The following USP10 variants were observed in gnomAD, a reference collection of about 807,000 sequenced individuals.
USP10 encodes the protein ubiquitin carboxyl-terminal hydrolase 10.
Under a neutral mutation model 84.5 loss-of-function variants are expected in USP10, and 22 were observed. The observed-to-expected ratio is 0.26, with a 90% CI of 0.19 to 0.37. The LOEUF is 0.37. Among genes scored for constraint, USP10 ranks in the 10% least tolerant of loss-of-function variants. The pLI, the probability that USP10 is intolerant of heterozygous loss-of-function variation, is 1.00. For synonymous variants in USP10, 454 were observed against 387.6 expected (o/e 1.17, Z -2.01); for missense variants, 1,019 against 998.9 (o/e 1.02, Z -0.27).
chr16:84,775,325 C>G (rs1359628756), intron 13 of USP10, 100 bp downstream of exon 13: 2 of 1,194,882 alleles, frequency 1.7e-6, no homozygotes, highest in Non-Finnish European at 2.5e-6. Flanking sequence ...CGACCAGATG[C>G]TGTACTCAGG....
rs550733779 is a variant in USP10 at position 84,751,494 on chromosome 16, G to A, written c.1192+5821G>A. 3.9e-5 allele frequency among the ~76,000 whole-genome samples: 6 copies of A among 152,292 alleles called. No individual in the cohort carries two copies. In the East Asian group the frequency reaches 9.6e-4, roughly 24 times the overall value. On this transcript the variant is annotated intron_variant, in intron 4 of 13. Coordinates refer to ENST00000219473, the MANE Select transcript of USP10 (RefSeq NM_005153.3). ...TAAAAAGGCGTGGCACCTGTTTACC[G>A]GGATCCACCCTTGTGGACTGAGAGT...
chr16:84,778,609 G>T (rs1036923681), intron 13 of USP10, among the ~76,000 whole-genome samples: 12 of 152,314 alleles, frequency 7.9e-5, no homozygotes, highest in African/African-American at 2.6e-4. Flanking sequence ...AGGAGTGTCT[G>T]TGTGAGGCGT....
Position 84,768,190 on chromosome 16 carries a change from T to G in USP10, c.1833-3T>G. 1.3e-6 allele frequency: 2 copies of G among 1,580,704 alleles called. No individual in the cohort carries two copies. Among genetic ancestry groups the G allele is most frequent in the Non-Finnish European group, 1.7e-6 (2 of 1,161,736 alleles). On this transcript the variant is annotated splice_region_variant and splice_polypyrimidine_tract_variant and intron_variant, in intron 10 of 13. Coordinates refer to ENST00000219473, the MANE Select transcript of USP10 (RefSeq NM_005153.3). The stretch of plus-strand genomic sequence containing the variant: ...TTTTTTTGTTTTTGCTTTCAATTCT[T>G]AGGTCTGTGGTTTACCAGCAGAGTT...
chr16:84,712,853 G>A (rs372968687), intron 1 of USP10, among the ~76,000 whole-genome samples: 31 of 152,292 alleles, frequency 2.0e-4, no homozygotes, highest in African/African-American at 7.5e-4. Context: ...CTCTTTCTCA[G>A]CAAGTGTAGT....
chr16:84,764,434 C>T (rs367749783), intron 10 of USP10, among the ~76,000 whole-genome samples, 171 bp downstream of exon 10: 4 of 152,222 alleles, frequency 2.6e-5, no homozygotes, highest in Admixed American at 6.5e-5. Flanking sequence ...TGTCAGCCCC[C>T]GTGGCTTATT....
Position 84,771,125 on chromosome 16 carries a change from A to G in USP10, c.1999-1416A>G, listed in dbSNP as rs1199176360. On this transcript the variant is annotated intron_variant, in intron 11 of 13. Coordinates refer to ENST00000219473, the MANE Select transcript of USP10 (RefSeq NM_005153.3). ...AAAGACTTTGTAAGTACAGAGAATGATAAAGGGATTGTTATTTGTAAAGAT... is the reference window on the plus strand; with the variant it reads ...AAAGACTTTGTAAGTACAGAGAATGGTAAAGGGATTGTTATTTGTAAAGAT... Among the ~76,000 whole-genome samples the G allele has an allele frequency of 2.0e-5, 3 of 152,136 alleles. No individual in the cohort carries two copies. The East Asian group carries it at 5.8e-4, about 29-fold the overall frequency.
At chr16:84,730,065 G>A (rs1477012995) in intron 1 of USP10, among the ~76,000 whole-genome samples, 1 of 152,010 alleles carries the variant, frequency 6.6e-6, no homozygotes, top group Non-Finnish European at 1.5e-5. Context: ...AAAGTATGTA[G>A]TCCCCTCCCA....
At chr16:84,739,670 T>A (rs1266825502) in intron 2 of USP10, among the ~76,000 whole-genome samples, 1 of 152,220 alleles carries the variant, frequency 6.6e-6, no homozygotes, top group East Asian at 1.9e-4. Flanking sequence ...AAATTTAAGT[T>A]ATTTTTGAGA....
rs1914568735 is a variant in USP10, at chr16:84,772,560, T to G, written c.2018T>G (p.Val673Gly). Residue 673 changes from valine (V) to glycine (G), a missense_variant, in exon 12 of 14, where the codon GTG becomes GGG. Coordinates refer to ENST00000219473, the MANE Select transcript of USP10 (RefSeq NM_005153.3). ...TKQEVEISRR[V>G]TLEKLPPVLV... ...TCTTAGGTTGAGATAAGTCGAAGAG[T>G]GACTCTGGAAAAACTCCCTCCTGTC... 1 of 1,613,668 alleles carries G rather than the reference T, an allele frequency of 6.2e-7. No individual in the cohort carries two copies. The highest frequency in any genetic ancestry group is 8.5e-7 in the Non-Finnish European group (1 of 1,179,824).
intron 1 of USP10, among the ~76,000 whole-genome samples, chr16:84,722,526 G>C (rs949894303): frequency 6.6e-6 from 1 of 152,206 alleles, no homozygotes; most frequent in South Asian, 2.1e-4. Context: ...CAGTGTATGA[G>C]AATGCTTCTT....
At chr16:84,706,868 T>G (rs1905598161) in intron 1 of USP10, among the ~76,000 whole-genome samples, 1 of 151,990 alleles carries the variant, frequency 6.6e-6, no homozygotes, top group African/African-American at 2.4e-5. Context: ...ATTCAAGACC[T>G]GAAGTAGGCT....
intron 13 of USP10, among the ~76,000 whole-genome samples, chr16:84,776,095 T>C (rs1315877715): frequency 6.6e-6 from 1 of 152,222 alleles, no homozygotes; most frequent in Non-Finnish European, 1.5e-5. Flanking sequence ...AAGATATTCT[T>C]TCATTTCCTT....
At chr16:84,773,426 G>T (rs1914655658) in intron 12 of USP10, among the ~76,000 whole-genome samples, 1 of 152,032 alleles carries the variant, frequency 6.6e-6, no homozygotes, top group Admixed American at 6.6e-5. Context: ...TCCGTCCCCT[G>T]GCACAGCAAC....
At position 84,733,469 on chromosome 16, in the gene USP10, A is replaced by G. The variant is rs369776943; in HGVS notation, c.56A>G (p.Asn19Ser). 28 of 1,610,472 alleles carry G rather than the reference A, an allele frequency of 1.7e-5. No individual in the cohort carries two copies. In the African/African-American group the frequency reaches 2.3e-4, roughly 13 times the overall value. ...IFGDFSPDEF[N>S]QFFVTPRSSV... ...GGAGATTTTAGCCCTGATGAATTCA[A>G]TCAATTCTTTGTGACTCCTCGATCT... Residue 19 changes from asparagine to serine, a missense_variant, in exon 2 of 14, where the codon AAT becomes AGT. Transcript: ENST00000219473.
At chr16:84,714,715 A>G (rs1437919566) in intron 1 of USP10, among the ~76,000 whole-genome samples, 1 of 152,028 alleles carries the variant, frequency 6.6e-6, no homozygotes, top group Non-Finnish European at 1.5e-5. Context: ...GAGCAAATTA[A>G]GCACATTATT....
intron 8 of USP10, among the ~76,000 whole-genome samples, chr16:84,761,547 C>T (rs190949965): frequency 2.0e-5 from 3 of 152,320 alleles, no homozygotes; most frequent in East Asian, 3.9e-4. Flanking sequence ...CACAAGGCTA[C>T]GCGTAACTAC....
At chr16:84,712,371 C>A (rs1906426214) in intron 1 of USP10, among the ~76,000 whole-genome samples, 1 of 152,188 alleles carries the variant, frequency 6.6e-6, no homozygotes, top group Non-Finnish European at 1.5e-5. Context: ...GGCCTGGCTG[C>A]TCTTTCGGGT....
rs181877813 is a variant in USP10, at chr16:84,716,022, A to G, written c.21+15911A>G. Among the ~76,000 whole-genome samples the G allele has an allele frequency of 2.0e-5, 3 of 152,186 alleles. No individual in the cohort carries two copies. In the East Asian group the frequency reaches 5.8e-4, roughly 29 times the overall value. The stretch of plus-strand genomic sequence containing the variant: ...GCCCTTTGGGTCGTCCCTCAACCAG[A>G]GCACTGTGGCGAGGAGGGTGGTATG... On this transcript the variant is annotated intron_variant, in intron 1 of 13. Coordinates refer to ENST00000219473, the MANE Select transcript of USP10 (RefSeq NM_005153.3).
chr16:84,760,564 C>G (rs1361018473), intron 8 of USP10, among the ~76,000 whole-genome samples: 1 of 152,162 alleles, frequency 6.6e-6, no homozygotes, highest in Non-Finnish European at 1.5e-5. Context: ...ATGGCAGAAC[C>G]CAGCTTTCAA....
Sources: gnomAD v4.1 joint callset for allele counts (sites outside exome capture counted in the v4.1 genomes callset) on GRCh38, gnomAD v4.1.1 for gene constraint, MANE v1.5 for transcripts, NCBI Gene and HGNC (gene_info 2026-07-23, HGNC 2026-07-21) for gene names.